The following LARS2 variants were observed in gnomAD, a reference collection of about 807,000 sequenced individuals.
The protein encoded by LARS2 is leucyl-tRNA synthetase 2, mitochondrial.
Under a neutral mutation model 116.6 loss-of-function variants are expected in LARS2, and 81 were observed. The ratio of observed to expected loss-of-function variants is 0.69; its 90% confidence interval spans 0.58 to 0.84. The LOEUF (loss-of-function observed/expected upper bound fraction) is 0.84, where lower values mean the gene tolerates loss of function less well. LARS2 is among the 40% of genes least tolerant of loss of function. The probability of loss-of-function intolerance (pLI) is 0.00; values close to 1 mark genes in which losing one functional copy is unlikely to be tolerated. For missense variants in LARS2, 968 were observed against 1,114.5 expected, an observed-to-expected ratio of 0.87 and a Z score of 1.87; for synonymous variants, 396 against 407.2, an observed-to-expected ratio of 0.97 and a Z score of 0.33.
chr3:45,515,995 A>G (rs1700364093), intron 16 of LARS2, 99 bp from the exon 17 acceptor site: 4 of 851,998 alleles, frequency 4.7e-6, no homozygotes, highest in Non-Finnish European at 7.3e-6. Context: ...TCAAATGGAC[A>G]CTTTCCATCG....
chr3:45,467,187 G>A (rs1449020718), intron 8 of LARS2, among the ~76,000 whole-genome samples: 2 of 152,138 alleles, frequency 1.3e-5, no homozygotes, highest in Non-Finnish European at 2.9e-5. Flanking sequence ...CTTACCCTGG[G>A]TTCTTCTGAG....
intron 6 of LARS2, among the ~76,000 whole-genome samples, chr3:45,438,999 G>A (rs1275862514): frequency 6.6e-6 from 1 of 152,104 alleles, no homozygotes. Context: ...GCTGTACTGA[G>A]TGTCTGATCT....
intron 6 of LARS2, among the ~76,000 whole-genome samples, chr3:45,425,493 G>T (rs1004951420): frequency 2.0e-5 from 3 of 152,236 alleles, no homozygotes; most frequent in African/African-American, 7.2e-5. Context: ...GAATGGAAGT[G>T]GTCAGCAGCA....
chr3:45,498,912 G>C (rs911401450), intron 14 of LARS2, among the ~76,000 whole-genome samples: 8 of 152,190 alleles, frequency 5.3e-5, no homozygotes, highest in Admixed American at 1.3e-4. Flanking sequence ...TAAATATGTT[G>C]CATCGCATTC....
intron 6 of LARS2, among the ~76,000 whole-genome samples, chr3:45,430,034 C>T (rs1199849662): frequency 4.2e-4 from 10 of 23,732 alleles, no homozygotes; most frequent in African/African-American, 6.3e-4. Flanking sequence ...TTTTTTGAGA[C>T]AGAGTCTTGC....
At chr3:45,459,070 T>A (rs535289292) in intron 8 of LARS2, among the ~76,000 whole-genome samples, 184 bp downstream of exon 8, 1 of 152,292 alleles carries the variant, frequency 6.6e-6, no homozygotes, top group African/African-American at 2.4e-5. Context: ...GGCTGGTATC[T>A]TCAACTGTAA....
At chr3:45,428,239 G>GT (rs35323496) in intron 6 of LARS2, among the ~76,000 whole-genome samples, 60,582 of 84,542 alleles carry the variant, frequency 0.72, 25,069 homozygotes, top group South Asian at 0.88. Flanking sequence ...ATCTTAACCT[G>GT]TTTTTTTTTT....
Position 45,500,451 on chromosome 3 carries a change from C to T in LARS2, c.1632C>T (p.Asn544=). ...CATCTCTTTTTTACAGCCCTTTTAA[C>T]ACAGCAGTGGCCGATTACTGGATGC... is the stretch of plus-strand genomic sequence containing the variant. The part of the protein sequence containing the change: ...TDPHNPHSPF[N]TAVADYWMPV... Residue 544 remains asparagine (N), a synonymous_variant, in exon 15 of 22, where the codon AAC becomes AAT. Transcript: ENST00000645846. The T allele has an allele frequency of 6.2e-7, 1 of 1,603,540 alleles. No homozygotes were observed. Among genetic ancestry groups the T allele is most frequent in the South Asian group, 1.1e-5 (1 of 88,042 alleles).
At position 45,540,762 on chromosome 3, in the gene LARS2, A is replaced by G. The variant is rs564798762; in HGVS notation, c.2405-1067A>G. 3.9e-3 allele frequency among the ~76,000 whole-genome samples: 587 copies of G among 150,586 alleles called. 1 individual carries two copies. The highest frequency in any genetic ancestry group is 4.7e-3 in the Non-Finnish European group (316 of 67,560). On this transcript the variant is annotated intron_variant, in intron 20 of 21. Transcript: ENST00000645846. ...TATCTATCTGTCTATCTATCTATCT[A>G]TCTATCTATCTATCTATCTATCTAT...
chr3:45,395,386 T>G (rs1698028089), intron 3 of LARS2, among the ~76,000 whole-genome samples: 1 of 152,254 alleles, frequency 6.6e-6, no homozygotes, highest in Non-Finnish European at 1.5e-5. Flanking sequence ...GCATAATACT[T>G]GGCTGCAGCC....
rs1161747436 is a variant in LARS2, at chr3:45,496,291, AAG to A, written c.1548_1549del (p.Glu516AspfsTer9). 4 of 1,613,848 alleles carry A rather than the reference AAG, an allele frequency of 2.5e-6. No homozygotes were observed. The highest frequency in any genetic ancestry group is 4.5e-5 in the East Asian group (2 of 44,878). On this transcript the variant is annotated frameshift_variant, in exon 14 of 22. Transcript: ENST00000645846. LOFTEE classifies it high-confidence loss of function. ...CTTTCTTAGGTGCAAGGGAGCAGCC[AAG>A]AGAGAGACAGACACGATGGATACCT... The part of the protein sequence containing the change: ...CSCPRCKGAA[K>X]RETDTMDTFV...
At position 45,491,571 on chromosome 3, in the gene LARS2, G is replaced by T. The variant is rs201066231; in HGVS notation, c.1294G>T (p.Gly432Trp). The T allele has an allele frequency of 6.8e-6, 11 of 1,614,204 alleles. No homozygotes were observed. In the Admixed American group the frequency reaches 1.7e-4, roughly 24 times the overall value. The stretch of plus-strand genomic sequence containing the variant: ...TCTAGCCCTGACTCAGAAAGCCCGG[G>T]GGAAGAGAGTGGGTGGAGACGTGAC... Reference protein sequence around the residue: ...AFLALTQKARGKRVGGDVTSD... With the variant: ...AFLALTQKARWKRVGGDVTSD... The change falls in exon 13 of 22, where the codon GGG becomes TGG. Residue 432 changes from glycine to tryptophan, a missense_variant. By Grantham distance (184) the Gly-to-Trp change is radical. Coordinates refer to ENST00000645846, the MANE Select transcript of LARS2 (RefSeq NM_015340.4).
Position 45,419,710 on chromosome 3 carries a change from T to C in LARS2, c.497T>C (p.Leu166Pro). ...HMRKQLDRLG[L>P]CFSWDREITT... ...AGGAAACAGCTTGATCGTCTGGGCC[T>C]GTGTTTCAGCTGGGATAGGGTAAGT... The change falls in exon 6 of 22, where the codon CTG (leucine) becomes CCG (proline). Residue 166 changes from leucine to proline, a missense_variant. By Grantham distance (98) the Leu-to-Pro change is moderately conservative. Coordinates refer to ENST00000645846, the MANE Select transcript of LARS2 (RefSeq NM_015340.4). The C allele has an allele frequency of 6.2e-7, 1 of 1,613,766 alleles. No individual in the cohort carries two copies. Among genetic ancestry groups the C allele is most frequent in the Non-Finnish European group, 8.5e-7 (1 of 1,179,636 alleles).
intron 20 of LARS2, among the ~76,000 whole-genome samples, chr3:45,524,533 A>C (rs1455603930): frequency 6.6e-6 from 1 of 152,232 alleles, no homozygotes; most frequent in Non-Finnish European, 1.5e-5. Context: ...TAGGCATCAA[A>C]GCAGGCCTGA....
intron 6 of LARS2, among the ~76,000 whole-genome samples, chr3:45,425,917 CTTTTCT>C (rs1354443421): frequency 2.9e-5 from 4 of 136,282 alleles, no homozygotes; most frequent in Admixed American, 7.4e-5. Context: ...CTTTTCTTTT[CTTTTCT>C]TTTTTTTTTT....
Position 45,518,024 on chromosome 3 carries a change from A to G in LARS2, c.2166A>G (p.Lys722=). 1 of 1,613,904 alleles carries G rather than the reference A, an allele frequency of 6.2e-7. No individual in the cohort carries two copies. The highest frequency in any genetic ancestry group is 8.5e-7 in the Non-Finnish European group (1 of 1,179,846). The part of the protein sequence containing the change: ...PQPQLLSNKE[K]AEARKLWEYK... The stretch of plus-strand genomic sequence containing the variant: ...CTCAGCTGCTGAGTAACAAGGAGAA[A>G]GCTGAGGCCAGGAAGCTCTGGGAGT... Residue 722 remains lysine, a synonymous_variant, in exon 18 of 22, where the codon AAA becomes AAG. Coordinates refer to ENST00000645846, the MANE Select transcript of LARS2 (RefSeq NM_015340.4).
chr3:45,406,303 T>C (rs1698230446), intron 4 of LARS2, among the ~76,000 whole-genome samples: 1 of 152,148 alleles, frequency 6.6e-6, no homozygotes, highest in African/African-American at 2.4e-5. Context: ...AGGAGTTTGC[T>C]AAAAAGGCAG....
At chr3:45,515,013 T>C (rs1700351316) in intron 16 of LARS2, among the ~76,000 whole-genome samples, 1 of 152,246 alleles carries the variant, frequency 6.6e-6, no homozygotes. Context: ...GTAACTCTCA[T>C]GAAGTATGGA....
At chr3:45,462,771 C>T (rs1699354574) in intron 8 of LARS2, among the ~76,000 whole-genome samples, 1 of 152,190 alleles carries the variant, frequency 6.6e-6, no homozygotes. Context: ...TTCTTGGGCG[C>T]ATGGCTGTGA....
Sources: allele counts gnomAD v4.1 joint callset (sites outside exome capture counted in the v4.1 genomes callset), GRCh38; gene constraint gnomAD v4.1.1; transcripts MANE v1.5; gene names NCBI Gene and HGNC (gene_info 2026-07-23, HGNC 2026-07-21).